Variants in DAOA observed in about 807,000 individuals in gnomAD.
DAOA encodes D-amino acid oxidase regulator.
DAOA carries 15 observed loss-of-function variants against 16.4 expected under a neutral mutation model. That is an observed-to-expected ratio of 0.91 (90% CI 0.61 to 1.41). DAOA has a LOEUF of 1.41. Ranked by LOEUF, DAOA falls within the 40% of genes most tolerant of loss-of-function variation. DAOA has a pLI of 0.00. For synonymous variants in DAOA, 75 were observed against 59.1 expected (o/e 1.27, Z -1.23); for missense variants, 230 against 176.8 (o/e 1.30, Z -1.71).
intron 4 of DAOA, among the ~76,000 whole-genome samples, chr13:105,484,098 T>C (rs969396955): frequency 6.6e-6 from 1 of 152,150 alleles, no homozygotes; most frequent in Non-Finnish European, 1.5e-5. Context: ...AATACCCAGA[T>C]GTTCCAACGT....
At chr13:105,489,490 T>C (rs1352919746) in intron 4 of DAOA, among the ~76,000 whole-genome samples, 6 of 152,244 alleles carry the variant, frequency 3.9e-5, no homozygotes, top group Non-Finnish European at 7.3e-5. Flanking sequence ...TCTGTATTTT[T>C]AAATTATTTT....
chr13:105,475,451 A>G (rs942349581), intron 4 of DAOA, among the ~76,000 whole-genome samples: 3 of 152,210 alleles, frequency 2.0e-5, no homozygotes, highest in African/African-American at 7.2e-5. Context: ...TTAGGAACAC[A>G]GAAGCTTTTG....
At chr13:105,485,532 C>G (rs1878045764) in intron 4 of DAOA, among the ~76,000 whole-genome samples, 1 of 152,120 alleles carries the variant, frequency 6.6e-6, no homozygotes, top group South Asian at 2.1e-4. Context: ...TTCAATAATC[C>G]CCTGTTTGGG....
chr13:105,489,993 CT>C lies in DAOA; in HGVS notation c.375del (p.Leu126Ter). The C allele has an allele frequency of 3.1e-6, 5 of 1,613,204 alleles. No homozygotes were observed. The highest frequency in any genetic ancestry group is 4.2e-6 in the Non-Finnish European group (5 of 1,179,682). The part of the protein sequence containing the change: ...AYEASKDRRQ[P>X]LERMWTCNYN... Reference sequence around the variant, plus strand: ...GAGGCCTCTAAGGACCGCAGGCAGCCTCTAGAACGAATGTGGACCTGCAACT... The same window carrying C: ...GAGGCCTCTAAGGACCGCAGGCAGCCCTAGAACGAATGTGGACCTGCAACT... On this transcript the variant is annotated frameshift_variant, in exon 5 of 6. Coordinates refer to ENST00000375936, the MANE Select transcript of DAOA (RefSeq NM_172370.5). LOFTEE classifies it low-confidence loss of function (END_TRUNC).
At chr13:105,472,482 T>G in intron 3 of DAOA, 56 bp from the exon 4 acceptor site, 1 of 1,546,914 alleles carries the variant, frequency 6.5e-7, no homozygotes, top group South Asian at 1.2e-5. Context: ...AACATGTATG[T>G]TAAAAGATGT....
intron 4 of DAOA, among the ~76,000 whole-genome samples, chr13:105,474,209 G>T (rs1052848779): frequency 6.6e-6 from 1 of 151,796 alleles, no homozygotes; most frequent in Non-Finnish European, 1.5e-5. Flanking sequence ...AATGCCAATG[G>T]GACTATGAGG....
intron 4 of DAOA, among the ~76,000 whole-genome samples, chr13:105,475,248 T>G (rs1369471873): frequency 2.0e-5 from 3 of 152,154 alleles, no homozygotes; most frequent in Non-Finnish European, 4.4e-5. Flanking sequence ...TGCAGAGCCT[T>G]GGAGGGCACT....
intron 4 of DAOA, among the ~76,000 whole-genome samples, chr13:105,485,164 G>A (rs1188184018): frequency 6.6e-6 from 1 of 152,126 alleles, no homozygotes; most frequent in Non-Finnish European, 1.5e-5. Flanking sequence ...GCATAGCTTT[G>A]ATGATAATTT....
chr13:105,471,377 A>G (rs1305468059), intron 3 of DAOA, among the ~76,000 whole-genome samples: 1 of 152,168 alleles, frequency 6.6e-6, no homozygotes. Context: ...TGGACTAAGA[A>G]CCAGTTCCAG....
In DAOA at chr13:105,467,152, C is replaced by T. The variant is rs1566371599; in HGVS notation, c.133+11C>T. 11 of 1,586,398 alleles carry T rather than the reference C, an allele frequency of 6.9e-6. No individual in the cohort carries two copies. The highest frequency in any genetic ancestry group is 1.3e-5 in the African/African-American group (1 of 74,188). On this transcript the variant is annotated intron_variant, in intron 3 of 5. Coordinates refer to ENST00000375936, the MANE Select transcript of DAOA (RefSeq NM_172370.5). ...CTCTAAACTCTATTGGTATGTTACT[C>T]TTTATCTTTATATGAATTTAAATTC... is the stretch of plus-strand genomic sequence containing the variant.
In DAOA at chr13:105,490,192, G is replaced by T; in HGVS notation, c.*111G>T. 1 of 1,205,468 alleles carries T rather than the reference G, an allele frequency of 8.3e-7. No homozygotes were observed. The allele number at this position is 1,205,468 out of a possible 1,614,324, so 74.7% of individuals were successfully genotyped here. A position where few individuals can be genotyped will look rare whatever the true frequency, so the allele number is the denominator to read the frequency against. On this transcript the variant is annotated splice_region_variant and 3_prime_UTR_variant, in exon 5 of 6. Transcript: ENST00000375936. ...GTCTGGGACCCAGCTGATAACACGT[G>T]GTAATATGTTTTATAAAATTATATT...
chr13:105,478,969 C>G (rs889267416), intron 4 of DAOA, among the ~76,000 whole-genome samples: 22 of 152,172 alleles, frequency 1.4e-4, no homozygotes, highest in African/African-American at 5.1e-4. Flanking sequence ...ATTATCTCAT[C>G]AATTCATTTA....
At chr13:105,472,762 C>T in intron 4 of DAOA, 77 bp downstream of exon 4, 1 of 1,358,282 alleles carries the variant, frequency 7.4e-7, no homozygotes, top group Non-Finnish European at 1.0e-6. Context: ...AAAGCAACTT[C>T]TCTGGGCTTT....
rs541832007 is a variant in DAOA, at chr13:105,479,166, A to C, written c.281+6481A>C. On this transcript the variant is annotated intron_variant, in intron 4 of 5. Transcript: ENST00000375936. ...TCTTTCCATTTGAGGTTGCTTCCCA[A>C]AACAAGTACATAGCTTTGTTTCTGT... is the stretch of plus-strand genomic sequence containing the variant. Among the ~76,000 whole-genome samples the C allele has an allele frequency of 3.9e-5, 6 of 152,230 alleles. No individual in the cohort carries two copies. The South Asian group carries it at 1.2e-3, about 32-fold the overall frequency.
At chr13:105,466,919 T>C in intron 2 of DAOA, 134 bp from the exon 3 acceptor site, 1 of 1,188,852 alleles carries the variant, frequency 8.4e-7, no homozygotes, top group Non-Finnish European at 1.1e-6. Flanking sequence ...CGTATTTGGC[T>C]GAATAGTTAA....
intron 4 of DAOA, among the ~76,000 whole-genome samples, chr13:105,481,857 A>T (rs1877769542): frequency 6.6e-6 from 1 of 152,164 alleles, no homozygotes; most frequent in Admixed American, 6.5e-5. Flanking sequence ...TAGAAGACAA[A>T]CATTTAATGT....
intron 2 of DAOA, 128 bp downstream of exon 2, chr13:105,466,460 G>C: frequency 7.4e-6 from 11 of 1,490,264 alleles, no homozygotes; most frequent in Non-Finnish European, 1.0e-5. Context: ...TTGGAAGCCT[G>C]AGCCCAGTAT....
At chr13:105,480,849 T>A (rs1405263258) in intron 4 of DAOA, among the ~76,000 whole-genome samples, 8 of 152,258 alleles carry the variant, frequency 5.3e-5, no homozygotes, top group South Asian at 2.1e-4. Context: ...TCCTCTATCT[T>A]ATTCCATCTG....
intron 3 of DAOA, 66 bp downstream of exon 3, chr13:105,467,207 G>C (rs569518175): frequency 1.3e-5 from 19 of 1,457,134 alleles, no homozygotes; most frequent in Non-Finnish European, 1.8e-5. Flanking sequence ...CTGTGGTAAA[G>C]CTACATAATA....
Sources: allele counts gnomAD v4.1 joint callset (sites outside exome capture counted in the v4.1 genomes callset), GRCh38; gene constraint gnomAD v4.1.1; transcripts MANE v1.5; gene names NCBI Gene and HGNC (gene_info 2026-07-23, HGNC 2026-07-21).